Variants in CNTNAP5 observed in about 807,000 individuals in gnomAD.
CNTNAP5 encodes the protein contactin-associated protein-like 5.
CNTNAP5 carries 72 observed loss-of-function variants against 150.2 expected under a neutral mutation model. The ratio of observed to expected loss-of-function variants is 0.48; its 90% CI spans 0.40 to 0.58. CNTNAP5 has a LOEUF of 0.58. CNTNAP5 is among the 20% of genes least tolerant of loss of function. The pLI is 0.00. For synonymous variants in CNTNAP5, 672 were observed against 619.8 expected (o/e 1.08, Z -1.25); for missense variants, 1,636 against 1,626.2 (o/e 1.01, Z -0.10).
At chr2:124,680,522 T>G (rs1679042537) in intron 13 of CNTNAP5, among the ~76,000 whole-genome samples, 2 of 151,884 alleles carry the variant, frequency 1.3e-5, no homozygotes, top group African/African-American at 4.8e-5. Flanking sequence ...AGGGCTGCCT[T>G]CACTTTGGTT....
intron 8 of CNTNAP5, among the ~76,000 whole-genome samples, chr2:124,510,477 G>GTATATATATATATATATATATA (rs70996072): frequency 1.9e-5 from 2 of 102,594 alleles, no homozygotes; most frequent in African/African-American, 4.0e-5. Context: ...TTATGTATGT[G>GTATATATATATATATATATATA]TATATATATA....
In CNTNAP5 at chr2:124,391,226, T is replaced by C. The variant is rs114518734; in HGVS notation, c.382-26217T>C. On this transcript the variant is annotated intron_variant, in intron 3 of 23. Coordinates refer to ENST00000682447, the MANE Select transcript of CNTNAP5 (RefSeq NM_001367498.1). ...TTAAAAATACCTGTTACATAACAGATACACCATTTGTTAAGAAGAATGTAT... is the reference window on the plus strand; with the variant it reads ...TTAAAAATACCTGTTACATAACAGACACACCATTTGTTAAGAAGAATGTAT... Among the ~76,000 whole-genome samples, 264 of 152,338 alleles carry C rather than the reference T, an allele frequency of 1.7e-3. 1 individual carries two copies. Among genetic ancestry groups the C allele is most frequent in the African/African-American group, 6.1e-3 (255 of 41,576 alleles).
intron 13 of CNTNAP5, among the ~76,000 whole-genome samples, chr2:124,712,928 A>T (rs1305340583): frequency 6.6e-6 from 1 of 152,032 alleles, no homozygotes; most frequent in Non-Finnish European, 1.5e-5. Context: ...CCTCTTTTAT[A>T]AAGGGCACTG....
chr2:124,300,309 G>A (rs541053590), intron 3 of CNTNAP5, among the ~76,000 whole-genome samples: 1 of 152,216 alleles, frequency 6.6e-6, no homozygotes, highest in South Asian at 2.1e-4. Context: ...AAACATTTCC[G>A]TAATCACAAA....
intron 3 of CNTNAP5, among the ~76,000 whole-genome samples, chr2:124,384,715 T>G (rs984714171): frequency 6.6e-6 from 1 of 152,194 alleles, no homozygotes; most frequent in Non-Finnish European, 1.5e-5. Flanking sequence ...GAAAAATAAC[T>G]AAGTAGGCAA....
At chr2:124,326,203 A>T (rs539012889) in intron 3 of CNTNAP5, among the ~76,000 whole-genome samples, 1 of 152,184 alleles carries the variant, frequency 6.6e-6, no homozygotes, top group Non-Finnish European at 1.5e-5. Context: ...CTGTATCCCC[A>T]GGGAGCCTGT....
intron 3 of CNTNAP5, among the ~76,000 whole-genome samples, chr2:124,328,523 G>A (rs2104677296): frequency 6.6e-6 from 1 of 152,252 alleles, no homozygotes; most frequent in Admixed American, 6.5e-5. Context: ...ATGGATTAAA[G>A]TTTCCTTCTT....
chr2:124,903,666 C>T (rs146996393), intron 22 of CNTNAP5, among the ~76,000 whole-genome samples: 5 of 152,270 alleles, frequency 3.3e-5, no homozygotes, highest in Admixed American at 3.3e-4. Context: ...TGTGCATGCA[C>T]ATCTGATGAG....
At chr2:124,042,206 T>C (rs547009130) in intron 1 of CNTNAP5, among the ~76,000 whole-genome samples, 2 of 152,272 alleles carry the variant, frequency 1.3e-5, no homozygotes, top group African/African-American at 4.8e-5. Context: ...TTTAGACTTA[T>C]AGAGAGATAT....
At chr2:124,494,119 T>G (rs1440513628) in intron 7 of CNTNAP5, among the ~76,000 whole-genome samples, 315 of 74,270 alleles carry the variant, frequency 4.2e-3, no homozygotes, top group South Asian at 5.0e-3. Flanking sequence ...GGTGGGGGGG[T>G]AGGGGAAATG....
chr2:124,112,360 A>G (rs1429304628), intron 1 of CNTNAP5, among the ~76,000 whole-genome samples: 1 of 151,964 alleles, frequency 6.6e-6, no homozygotes, highest in Non-Finnish European at 1.5e-5. Context: ...GAAGCATCAT[A>G]TTTTCATATA....
chr2:124,759,394 T>C (rs965306927), intron 14 of CNTNAP5, among the ~76,000 whole-genome samples: 21 of 143,292 alleles, frequency 1.5e-4, no homozygotes, highest in Non-Finnish European at 2.5e-4. Flanking sequence ...ATATAAATTA[T>C]ATATATATCT....
chr2:124,515,683 T>C (rs1694696797), intron 8 of CNTNAP5, among the ~76,000 whole-genome samples: 1 of 152,150 alleles, frequency 6.6e-6, no homozygotes, highest in African/African-American at 2.4e-5. Flanking sequence ...GGATGGATTT[T>C]GATAGCAGGA....
At chr2:124,836,823 T>C (rs942950003) in intron 19 of CNTNAP5, among the ~76,000 whole-genome samples, 2 of 152,132 alleles carry the variant, frequency 1.3e-5, no homozygotes, top group African/African-American at 2.4e-5. Flanking sequence ...GAACAGTGAT[T>C]AATTATACAC....
intron 13 of CNTNAP5, among the ~76,000 whole-genome samples, chr2:124,713,413 TG>T (rs1274604462): frequency 1.3e-5 from 2 of 148,696 alleles, no homozygotes; most frequent in African/African-American, 5.0e-5. Flanking sequence ...AGTCTTGCTC[TG>T]TCACCCAGGC....
chr2:124,720,790 A>G (rs560233153), intron 13 of CNTNAP5, among the ~76,000 whole-genome samples: 1 of 152,346 alleles, frequency 6.6e-6, no homozygotes, highest in East Asian at 1.9e-4. Context: ...ATTGATTATT[A>G]GTGTACCTAT....
chr2:124,771,464 C>T (rs1018425257), intron 16 of CNTNAP5, among the ~76,000 whole-genome samples: 7 of 152,168 alleles, frequency 4.6e-5, no homozygotes, highest in African/African-American at 1.4e-4. Context: ...CCACTTAAGA[C>T]ACTTGCAGCA....
intron 5 of CNTNAP5, 74 bp downstream of exon 5, chr2:124,434,761 C>G: frequency 7.6e-7 from 1 of 1,310,776 alleles, no homozygotes. Context: ...GTGTCTGACA[C>G]TTGCAGTGTA....
chr2:124,417,550 G>A lies in CNTNAP5; in HGVS notation c.489G>A (p.Gly163=), dbSNP rs1487609903. ...RFVPLEWNPS[G]KIGMRVEVYG... ...TGCCCCTGGAATGGAATCCCAGTGG[G>A]AAGATTGGCATGAGAGTCGAGGTCT... Residue 163 remains glycine, a synonymous_variant, in exon 4 of 24, where the codon GGG becomes GGA. Transcript: ENST00000682447. 1.2e-6 allele frequency: 2 copies of A among 1,613,760 alleles called. No individual in the cohort carries two copies. Among genetic ancestry groups the A allele is most frequent in the African/African-American group, 1.3e-5 (1 of 75,060 alleles).
Sources: gnomAD v4.1 joint callset for allele counts (sites outside exome capture counted in the v4.1 genomes callset) on GRCh38, gnomAD v4.1.1 for gene constraint, MANE v1.5 for transcripts, NCBI Gene and HGNC (gene_info 2026-07-23, HGNC 2026-07-21) for gene names.